The following MAGI2 variants were observed in gnomAD, a reference collection of about 807,000 sequenced individuals.
MAGI2 encodes the protein membrane-associated guanylate kinase, WW and PDZ domain-containing protein 2.
A neutral mutation model predicts 133.3 loss-of-function variants in MAGI2; 35 were observed. The observed-to-expected ratio is 0.26, with a 90% confidence interval of 0.20 to 0.35. The LOEUF is 0.35. MAGI2 is among the 10% of genes least tolerant of loss of function. MAGI2 has a pLI of 1.00. For missense variants in MAGI2, 1,636 were observed against 1,863.4 expected (o/e 0.88, Z 2.25); for synonymous variants, 729 against 710.6 (o/e 1.03, Z -0.41).
intron 6 of MAGI2, among the ~76,000 whole-genome samples, chr7:78,417,016 T>C (rs896538168): frequency 2.0e-4 from 31 of 152,096 alleles, no homozygotes; most frequent in Admixed American, 9.2e-4. Flanking sequence ...AAGTGGTCAC[T>C]GAAAGCCTCC....
intron 2 of MAGI2, among the ~76,000 whole-genome samples, chr7:78,837,220 A>T (rs961534966): frequency 6.6e-6 from 1 of 152,120 alleles, no homozygotes; most frequent in Non-Finnish European, 1.5e-5. Flanking sequence ...CCAATGAAAC[A>T]CATCTTACTA....
intron 2 of MAGI2, among the ~76,000 whole-genome samples, chr7:78,723,567 T>C (rs1402274896): frequency 2.0e-5 from 3 of 152,064 alleles, no homozygotes; most frequent in Non-Finnish European, 4.4e-5. Flanking sequence ...TATGTAGAGA[T>C]AGTATGAAGG....
chr7:78,790,163 A>T (rs750303851), intron 2 of MAGI2, among the ~76,000 whole-genome samples: 36 of 151,848 alleles, frequency 2.4e-4, no homozygotes, highest in Admixed American at 1.2e-3. Flanking sequence ...GAAATTAGAA[A>T]CTCTTTGCTA....
chr7:78,054,900 A>G (rs1240089330), intron 21 of MAGI2, among the ~76,000 whole-genome samples: 1 of 152,002 alleles, frequency 6.6e-6, no homozygotes, highest in Non-Finnish European at 1.5e-5. Context: ...CGATCTTCCT[A>G]CCTTGGCCTC....
At chr7:78,493,484 C>T (rs1339216366) in intron 5 of MAGI2, among the ~76,000 whole-genome samples, 1 of 152,114 alleles carries the variant, frequency 6.6e-6, no homozygotes, top group Admixed American at 6.6e-5. Context: ...GCCTTTGTGG[C>T]TAAGCATTAT....
rs536773807 is a variant in MAGI2 at position 78,754,208 on chromosome 7, T to C, written c.419-126969A>G. ...CCTGGGCAACATAGCAAAACCCTGCTATCTACAAAAAAATTAGCTGGGCAT... is the reference window on the plus strand; with the variant it reads ...CCTGGGCAACATAGCAAAACCCTGCCATCTACAAAAAAATTAGCTGGGCAT... On this transcript the variant is annotated intron_variant, in intron 2 of 21. Transcript: ENST00000354212. Among the ~76,000 whole-genome samples the C allele has an allele frequency of 2.0e-4, 31 of 151,796 alleles. 1 individual carries two copies. Among genetic ancestry groups the C allele is most frequent in the African/African-American group, 6.8e-4 (28 of 41,372 alleles).
At chr7:78,657,292 T>C (rs1812406485) in intron 2 of MAGI2, among the ~76,000 whole-genome samples, 2 of 152,172 alleles carry the variant, frequency 1.3e-5, no homozygotes, top group Non-Finnish European at 2.9e-5. Context: ...AAACGTACTC[T>C]TAGCATGTGA....
At chr7:79,436,611 A>C (rs73147474) in intron 1 of MAGI2, among the ~76,000 whole-genome samples, 24,087 of 152,174 alleles carry the variant, frequency 0.16, 2,080 homozygotes, top group East Asian at 0.3. Context: ...GAGCATGACT[A>C]ATCTTCAGAG....
intron 1 of MAGI2, among the ~76,000 whole-genome samples, chr7:79,365,790 G>A (rs1383192268): frequency 1.4e-5 from 2 of 147,144 alleles, no homozygotes; most frequent in African/African-American, 5.0e-5. Context: ...AACCCAGGTG[G>A]TGGAGGTTGT....
At chr7:78,799,941 C>T (rs952064140) in intron 2 of MAGI2, among the ~76,000 whole-genome samples, 6 of 152,114 alleles carry the variant, frequency 3.9e-5, no homozygotes, top group African/African-American at 1.4e-4. Flanking sequence ...TTCTTTTGGG[C>T]AGAAAGATTT....
At chr7:79,020,004 G>C (rs572119468) in intron 1 of MAGI2, among the ~76,000 whole-genome samples, 2 of 152,316 alleles carry the variant, frequency 1.3e-5, no homozygotes, top group East Asian at 3.9e-4. Context: ...CTCAGAAGAA[G>C]ACATAAAGAT....
chr7:78,093,516 A>G (rs1817433724), intron 20 of MAGI2, among the ~76,000 whole-genome samples: 1 of 152,192 alleles, frequency 6.6e-6, no homozygotes, highest in Admixed American at 6.5e-5. Flanking sequence ...TAACATATGT[A>G]GAATATTTGG....
intron 1 of MAGI2, among the ~76,000 whole-genome samples, chr7:79,364,455 T>A (rs66775453): frequency 0.15 from 22,081 of 152,056 alleles, 1,699 homozygotes; most frequent in South Asian, 0.25. Context: ...TTGTACACTA[T>A]ACATATATAA....
intron 6 of MAGI2, chr7:78,487,516 C>A (rs2215935): frequency 6.6e-6 from 1 of 151,832 alleles, no homozygotes; most frequent in Non-Finnish European, 1.5e-5. Context: ...GCACAGTGAG[C>A]GCAAAGAAAC....
intron 3 of MAGI2, among the ~76,000 whole-genome samples, chr7:78,546,397 C>G (rs1028051521): frequency 6.6e-6 from 1 of 151,854 alleles, no homozygotes; most frequent in African/African-American, 2.4e-5. Flanking sequence ...CATGTAAGAT[C>G]CACTCTTACA....
At chr7:78,841,073 A>T (rs1412900101) in intron 2 of MAGI2, among the ~76,000 whole-genome samples, 1 of 151,956 alleles carries the variant, frequency 6.6e-6, no homozygotes, top group Admixed American at 6.6e-5. Flanking sequence ...TTTTGAAAAT[A>T]GTTCTCTATG....
At chr7:78,720,916 G>A (rs1310563033) in intron 2 of MAGI2, among the ~76,000 whole-genome samples, 1 of 151,960 alleles carries the variant, frequency 6.6e-6, no homozygotes, top group Non-Finnish European at 1.5e-5. Context: ...TTCCTTCTGG[G>A]GAAATTCTGT....
At chr7:79,386,750 C>T (rs893949965) in intron 1 of MAGI2, among the ~76,000 whole-genome samples, 1 of 151,968 alleles carries the variant, frequency 6.6e-6, no homozygotes, top group Non-Finnish European at 1.5e-5. Flanking sequence ...AAACTATCCC[C>T]ATTGTGGTGG....
At chr7:78,066,962 G>A (rs2151151263) in intron 21 of MAGI2, among the ~76,000 whole-genome samples, 1 of 152,308 alleles carries the variant, frequency 6.6e-6, no homozygotes, top group Non-Finnish European at 1.5e-5. Context: ...TGTGCAGAAT[G>A]GAATTGCACT....
Sources: gnomAD v4.1 joint callset for allele counts (sites outside exome capture counted in the v4.1 genomes callset) on GRCh38, gnomAD v4.1.1 for gene constraint, MANE v1.5 for transcripts, NCBI Gene and HGNC (gene_info 2026-07-23, HGNC 2026-07-21) for gene names.